NRXN3: variants seen among roughly 807,000 people sequenced by gnomAD.
NRXN3 encodes neurexin 3.
In NRXN3, 32 loss-of-function variants were observed where a neutral mutation model predicts 137.6. The observed-to-expected ratio is 0.23, with a 90% confidence interval of 0.18 to 0.31. The LOEUF is 0.31. NRXN3 is among the 10% of genes least tolerant of loss of function. The pLI is 1.00. For synonymous variants in NRXN3, 798 were observed against 784.5 expected (o/e 1.02, Z -0.29); for missense variants, 1,574 against 2,062.5 (o/e 0.76, Z 4.59).
intron 4 of NRXN3, among the ~76,000 whole-genome samples, chr14:78,421,227 C>T (rs2093429203): frequency 6.7e-6 from 1 of 148,676 alleles, no homozygotes. Context: ...TGTGCCATTG[C>T]ACTCTAGCCT....
intron 2 of NRXN3, among the ~76,000 whole-genome samples, chr14:78,259,335 A>G (rs555737682): frequency 5.3e-5 from 8 of 152,318 alleles, no homozygotes; most frequent in Non-Finnish European, 1.0e-4. Context: ...CTTACCCAAG[A>G]TCAGCAAACT....
intron 16 of NRXN3, among the ~76,000 whole-genome samples, chr14:79,528,311 G>A (rs531439965): frequency 6.4e-4 from 97 of 152,246 alleles, no homozygotes; most frequent in Middle Eastern, 3.4e-3. Context: ...GTTCTTGTGT[G>A]AGAGGTAAAG....
At chr14:79,349,535 G>GA (rs546259838) in intron 15 of NRXN3, among the ~76,000 whole-genome samples, 2 of 129,386 alleles carry the variant, frequency 1.5e-5, no homozygotes, top group Non-Finnish European at 1.6e-5. Flanking sequence ...TCCTCCCCGG[G>GA]AAAAAAAAAT....
chr14:78,812,456 A>G (rs1180760801), intron 10 of NRXN3, among the ~76,000 whole-genome samples: 1 of 152,186 alleles, frequency 6.6e-6, no homozygotes. Flanking sequence ...TCAGAGACTT[A>G]TTTGGAGAAC....
chr14:78,734,193 T>TAA (rs1408464315), intron 8 of NRXN3, among the ~76,000 whole-genome samples: 7 of 141,974 alleles, frequency 4.9e-5, no homozygotes, highest in African/African-American at 1.6e-4. Flanking sequence ...CAAACACACG[T>TAA]ATCTGCATCT....
intron 4 of NRXN3, among the ~76,000 whole-genome samples, chr14:78,490,017 C>T (rs1041767637): frequency 2.0e-5 from 3 of 151,798 alleles, no homozygotes; most frequent in Non-Finnish European, 4.4e-5. Context: ...TGGGTTCAAG[C>T]GATTCTCCTG....
chr14:78,796,812 A>G (rs1044901166), intron 8 of NRXN3, among the ~76,000 whole-genome samples: 2 of 152,166 alleles, frequency 1.3e-5, no homozygotes, highest in Admixed American at 1.3e-4. Flanking sequence ...CACTGGCTGA[A>G]CAATAAGGTA....
chr14:78,296,520 A>C (rs1055039508), intron 3 of NRXN3, among the ~76,000 whole-genome samples: 2 of 152,182 alleles, frequency 1.3e-5, no homozygotes, highest in African/African-American at 4.8e-5. Context: ...CCCACAAAAG[A>C]CCCAAAATGA....
intron 4 of NRXN3, among the ~76,000 whole-genome samples, chr14:78,308,665 A>G (rs1027698020): frequency 1.3e-5 from 2 of 152,134 alleles, no homozygotes; most frequent in Non-Finnish European, 2.9e-5. Flanking sequence ...CTGCAGATCT[A>G]TTATTGAAAT....
intron 10 of NRXN3, among the ~76,000 whole-genome samples, chr14:78,881,480 T>C (rs2099128982): frequency 6.6e-6 from 1 of 151,588 alleles, no homozygotes; most frequent in South Asian, 2.1e-4. Flanking sequence ...GATGAGGAAC[T>C]TGTTGGGAAC....
intron 16 of NRXN3, among the ~76,000 whole-genome samples, chr14:79,574,110 G>A (rs1290559519): frequency 5.3e-5 from 8 of 151,774 alleles, no homozygotes; most frequent in Middle Eastern, 3.2e-3. Flanking sequence ...GAGTATAACC[G>A]AATAAACACA....
chr14:78,964,335 T>C (rs1254493823), intron 11 of NRXN3, among the ~76,000 whole-genome samples: 3 of 152,204 alleles, frequency 2.0e-5, no homozygotes, highest in African/African-American at 7.2e-5. Flanking sequence ...AACTGCCCAC[T>C]TGAATAGTAG....
At chr14:79,637,772 C>T (rs1026480010) in intron 16 of NRXN3, among the ~76,000 whole-genome samples, 1 of 115,688 alleles carries the variant, frequency 8.6e-6, no homozygotes, top group Non-Finnish European at 1.7e-5. Flanking sequence ...CTCTAGCACA[C>T]AGGCTGGAAT....
At chr14:78,856,686 T>G (rs1309046584) in intron 10 of NRXN3, among the ~76,000 whole-genome samples, 2 of 152,140 alleles carry the variant, frequency 1.3e-5, no homozygotes, top group East Asian at 3.9e-4. Flanking sequence ...GTCTTATGGA[T>G]AGGTAATATT....
At chr14:79,631,825 T>C (rs2098353468) in intron 16 of NRXN3, among the ~76,000 whole-genome samples, 1 of 151,368 alleles carries the variant, frequency 6.6e-6, no homozygotes. Context: ...GCTAATCAGG[T>C]AGGGGACTTG....
intron 4 of NRXN3, among the ~76,000 whole-genome samples, chr14:78,478,981 G>A (rs537641341): frequency 4.7e-4 from 71 of 152,290 alleles, no homozygotes; most frequent in African/African-American, 1.7e-3. Context: ...CAACGTCCAA[G>A]AAGTTATAGT....
At chr14:78,805,486 C>T (rs2098858766) in intron 9 of NRXN3, among the ~76,000 whole-genome samples, 1 of 151,828 alleles carries the variant, frequency 6.6e-6, no homozygotes, top group African/African-American at 2.4e-5. Flanking sequence ...TGGCATACCC[C>T]TGACCCTACT....
At chr14:78,702,563 G>A (rs1239266350) in intron 6 of NRXN3, among the ~76,000 whole-genome samples, 1 of 151,334 alleles carries the variant, frequency 6.6e-6, no homozygotes, top group East Asian at 1.9e-4. Context: ...TCCCACTGCA[G>A]GATCCCGAGT....
chr14:79,428,653 A>G (rs1334208704), intron 15 of NRXN3, among the ~76,000 whole-genome samples: 1 of 152,138 alleles, frequency 6.6e-6, no homozygotes, highest in African/African-American at 2.4e-5. Flanking sequence ...ATATATAGCA[A>G]AATCAGCTGG....
Sources: gnomAD v4.1 joint callset for allele counts (sites outside exome capture counted in the v4.1 genomes callset) on GRCh38, gnomAD v4.1.1 for gene constraint, MANE v1.5 for transcripts, NCBI Gene and HGNC (gene_info 2026-07-23, HGNC 2026-07-21) for gene names.